Variants in DIP2C observed in about 807,000 individuals in gnomAD.
DIP2C encodes the protein disco-interacting protein 2 homolog C.
DIP2C carries 33 observed loss-of-function variants against 192.4 expected under a neutral mutation model. The observed-to-expected ratio is 0.17, with a 90% confidence interval of 0.13 to 0.23. DIP2C has a LOEUF of 0.23. Ranked by LOEUF, DIP2C falls within the 10% of genes least tolerant of loss-of-function variation. The pLI is 1.00. For synonymous variants in DIP2C, 979 were observed against 864.1 expected (o/e 1.13, Z -2.33); for missense variants, 1,537 against 2,110.1 (o/e 0.73, Z 5.32).
At position 348,717 on chromosome 10, in the gene DIP2C, C is replaced by A. The variant is rs767800184; in HGVS notation, c.3155G>T (p.Cys1052Phe). 1 of 1,613,958 alleles carries A rather than the reference C, an allele frequency of 6.2e-7. No homozygotes were observed. Among genetic ancestry groups the A allele is most frequent in the South Asian group, 1.1e-5 (1 of 91,058 alleles). Residue 1052 changes from cysteine (C) to phenylalanine (F), a missense_variant, in exon 26 of 37, where the codon TGT becomes TTT. Cys to Phe is a radical substitution (Grantham distance 205). Transcript: ENST00000280886. The part of the protein sequence containing the change: ...AAFYGCLYAG[C>F]VPITVRPPHP... ...CGGGGGACGGACGGTTATTGGCACA[C>A]AGCCTGCGTACAGGCAACCATAAAA... is the stretch of plus-strand genomic sequence containing the variant.
At chr10:610,467 AAAG>A (rs1487619222) in intron 1 of DIP2C, among the ~76,000 whole-genome samples, 4 of 152,276 alleles carry the variant, frequency 2.6e-5, no homozygotes, top group Non-Finnish European at 5.9e-5. Flanking sequence ...AGCACAAGGA[AAAG>A]AAAATGTTTA....
At chr10:579,305 A>G (rs1364812239) in intron 1 of DIP2C, among the ~76,000 whole-genome samples, 5 of 152,110 alleles carry the variant, frequency 3.3e-5, no homozygotes, top group African/African-American at 1.2e-4. Flanking sequence ...GTGTACACAC[A>G]TAGGTACACT....
intron 29 of DIP2C, among the ~76,000 whole-genome samples, chr10:330,090 C>G (rs1430177393): frequency 6.6e-6 from 1 of 152,118 alleles, no homozygotes; most frequent in Admixed American, 6.5e-5. Flanking sequence ...GCTGAGTGGT[C>G]AGAGACCACA....
chr10:659,046 A>G (rs1346992551), intron 1 of DIP2C, among the ~76,000 whole-genome samples: 1 of 152,116 alleles, frequency 6.6e-6, no homozygotes, highest in Non-Finnish European at 1.5e-5. Flanking sequence ...CATTCATAAT[A>G]CCAACATGTA....
chr10:309,096 C>T (rs1295710175), intron 32 of DIP2C, among the ~76,000 whole-genome samples: 1 of 152,206 alleles, frequency 6.6e-6, no homozygotes, highest in Non-Finnish European at 1.5e-5. Context: ...CAACAATGAA[C>T]GGGCACCTCT....
intron 1 of DIP2C, among the ~76,000 whole-genome samples, chr10:585,086 C>T (rs1457257704): frequency 6.6e-6 from 1 of 152,236 alleles, no homozygotes; most frequent in African/African-American, 2.4e-5. Context: ...CGGGCATCAC[C>T]TCTCCAGCAG....
chr10:482,704 A>G (rs1029596518), intron 2 of DIP2C, among the ~76,000 whole-genome samples: 1 of 152,152 alleles, frequency 6.6e-6, no homozygotes, highest in African/African-American at 2.4e-5. Context: ...CCACACTGAA[A>G]TTTTACTCTC....
intron 1 of DIP2C, among the ~76,000 whole-genome samples, chr10:623,261 G>A (rs528326022): frequency 4.8e-5 from 7 of 146,768 alleles, no homozygotes; most frequent in South Asian, 4.4e-4. Flanking sequence ...AGGAACGGGC[G>A]CAGGCATCTC....
chr10:384,378 T>C (rs1377696419), intron 15 of DIP2C, among the ~76,000 whole-genome samples, 168 bp downstream of exon 15: 1 of 144,920 alleles, frequency 6.9e-6, no homozygotes, highest in East Asian at 2.1e-4. Flanking sequence ...GCTGGGATTA[T>C]AGGCATGCGC....
chr10:437,753 G>A (rs1967385796), intron 4 of DIP2C: 1 of 152,196 alleles, frequency 6.6e-6, no homozygotes, highest in Non-Finnish European at 1.5e-5. Context: ...TTTCACCCAT[G>A]GAATATTAGC....
chr10:312,997 TGGA>T (rs1745552536), intron 31 of DIP2C, among the ~76,000 whole-genome samples: 1 of 152,160 alleles, frequency 6.6e-6, no homozygotes, highest in Non-Finnish European at 1.5e-5. Flanking sequence ...TTGTACCACG[TGGA>T]GGAGGCAACA....
chr10:476,680 G>C (rs1843057394), intron 2 of DIP2C, among the ~76,000 whole-genome samples: 1 of 152,158 alleles, frequency 6.6e-6, no homozygotes, highest in Non-Finnish European at 1.5e-5. Context: ...CCTCTCCTGA[G>C]AGCAGAGGCT....
chr10:550,436 G>T (rs1478994919), intron 1 of DIP2C, among the ~76,000 whole-genome samples: 1 of 152,210 alleles, frequency 6.6e-6, no homozygotes, highest in East Asian at 1.9e-4. Flanking sequence ...AGACGCTGCA[G>T]TTCCACACCG....
chr10:317,895 T>C (rs1256239668), intron 31 of DIP2C, among the ~76,000 whole-genome samples: 3 of 152,230 alleles, frequency 2.0e-5, no homozygotes, highest in African/African-American at 4.8e-5. Context: ...ATCCCTCAAT[T>C]GTAAATTTTA....
chr10:618,475 C>A (rs1320426371), intron 1 of DIP2C, among the ~76,000 whole-genome samples: 1 of 152,254 alleles, frequency 6.6e-6, no homozygotes, highest in Non-Finnish European at 1.5e-5. Flanking sequence ...GTCGCTCGCA[C>A]TGCAGACAGA....
At chr10:494,070 G>C (rs145088740) in intron 1 of DIP2C, among the ~76,000 whole-genome samples, 1 of 152,204 alleles carries the variant, frequency 6.6e-6, no homozygotes, top group Non-Finnish European at 1.5e-5. Context: ...GGACCACCCC[G>C]AGGTGAGTGG....
intron 22 of DIP2C, among the ~76,000 whole-genome samples, chr10:359,484 A>G (rs1470858783): frequency 6.6e-6 from 1 of 152,136 alleles, no homozygotes; most frequent in East Asian, 1.9e-4. Flanking sequence ...TAACAGTAAG[A>G]TGCCTCCTAC....
intron 1 of DIP2C, among the ~76,000 whole-genome samples, chr10:670,241 T>TGC (rs1469275505): frequency 1.3e-5 from 2 of 151,808 alleles, no homozygotes; most frequent in Non-Finnish European, 2.9e-5. Context: ...TGCACACGCA[T>TGC]ATGCACACAC....
At chr10:497,704 T>C (rs1460539504) in intron 1 of DIP2C, among the ~76,000 whole-genome samples, 3 of 152,104 alleles carry the variant, frequency 2.0e-5, no homozygotes, top group Non-Finnish European at 1.5e-5. Context: ...CAGAGAAGCG[T>C]CCGGTAATGT....
Sources: gnomAD v4.1 joint callset for allele counts (sites outside exome capture counted in the v4.1 genomes callset) on GRCh38, gnomAD v4.1.1 for gene constraint, MANE v1.5 for transcripts, NCBI Gene and HGNC (gene_info 2026-07-23, HGNC 2026-07-21) for gene names.